Variants in PAK5 observed in about 807,000 individuals in gnomAD.
PAK5 encodes the protein p21 (RAC1) activated kinase 5.
In PAK5, 16 loss-of-function variants were observed where a neutral mutation model predicts 65.9. The ratio of observed to expected loss-of-function variants is 0.24; its 90% confidence interval spans 0.16 to 0.37. PAK5 has a LOEUF of 0.37. Among genes scored for constraint, PAK5 ranks in the 10% least tolerant of loss-of-function variants. The pLI is 1.00. For missense variants in PAK5, 785 were observed against 903.9 expected (o/e 0.87, Z 1.69); for synonymous variants, 371 against 354.9 (o/e 1.05, Z -0.51).
chr20:9,640,046 T>A lies in PAK5; in HGVS notation c.204+4079A>T, dbSNP rs80253673. Among the ~76,000 whole-genome samples, 1,109 of 152,282 alleles carry A rather than the reference T, an allele frequency of 7.3e-3. 5 individuals are homozygous for A. The highest frequency in any genetic ancestry group is 0.011 in the Non-Finnish European group (771 of 68,014). On this transcript the variant is annotated intron_variant, in intron 3 of 9. Coordinates refer to ENST00000353224, the MANE Select transcript of PAK5 (RefSeq NM_177990.4). The stretch of plus-strand genomic sequence containing the variant: ...ACGGCACATGTCCTGGGTCTTCAGC[T>A]AGAATGTTTATTATTTTTTTTTATT...
intron 1 of PAK5, among the ~76,000 whole-genome samples, chr20:9,789,395 G>T (rs185643909): frequency 3.3e-5 from 5 of 152,152 alleles, no homozygotes; most frequent in Non-Finnish European, 7.4e-5. Flanking sequence ...TGAAAAACTA[G>T]GCTCGGCTCT....
chr20:9,751,642 T>A (rs1291398898), intron 1 of PAK5, among the ~76,000 whole-genome samples: 2 of 152,194 alleles, frequency 1.3e-5, no homozygotes, highest in South Asian at 4.1e-4. Flanking sequence ...AGCAATGGAC[T>A]AATACATTTC....
intron 3 of PAK5, among the ~76,000 whole-genome samples, chr20:9,643,527 C>T (rs2047095343): frequency 1.3e-5 from 2 of 152,054 alleles, no homozygotes; most frequent in African/African-American, 4.8e-5. Context: ...TTTGAAATAG[C>T]TCTCTTTTAG....
chr20:9,641,888 G>A (rs1461910248), intron 3 of PAK5, among the ~76,000 whole-genome samples: 1 of 152,158 alleles, frequency 6.6e-6, no homozygotes, highest in Non-Finnish European at 1.5e-5. Context: ...TCCGAGTGCG[G>A]GGCCCACCAA....
chr20:9,700,241 G>A (rs1322438286), intron 2 of PAK5, among the ~76,000 whole-genome samples: 1 of 152,042 alleles, frequency 6.6e-6, no homozygotes, highest in African/African-American at 2.4e-5. Flanking sequence ...GTGAGAACTA[G>A]TCTCTACAAA....
chr20:9,661,331 C>A (rs1484130908), intron 2 of PAK5, among the ~76,000 whole-genome samples: 1 of 152,128 alleles, frequency 6.6e-6, no homozygotes, highest in African/African-American at 2.4e-5. Context: ...GCCTCCCTCC[C>A]TCCACCACCC....
At chr20:9,748,801 G>T (rs1434932577) in intron 1 of PAK5, among the ~76,000 whole-genome samples, 2 of 152,094 alleles carry the variant, frequency 1.3e-5, no homozygotes, top group Non-Finnish European at 1.5e-5. Flanking sequence ...TTAGCCATTA[G>T]CCACAGTGTT....
chr20:9,568,424 A>C (rs1186827544), intron 4 of PAK5, among the ~76,000 whole-genome samples: 3 of 152,182 alleles, frequency 2.0e-5, no homozygotes, highest in Non-Finnish European at 4.4e-5. Flanking sequence ...CCTAAGCAAC[A>C]GGCCATTTAA....
intron 1 of PAK5, among the ~76,000 whole-genome samples, chr20:9,783,757 C>A (rs1342149051): frequency 1.3e-5 from 2 of 152,126 alleles, no homozygotes; most frequent in East Asian, 3.9e-4. Flanking sequence ...TTGTAACTCT[C>A]AGTAAGTTAA....
At chr20:9,769,815 C>A (rs895393199) in intron 1 of PAK5, among the ~76,000 whole-genome samples, 1 of 152,120 alleles carries the variant, frequency 6.6e-6, no homozygotes, top group Non-Finnish European at 1.5e-5. Flanking sequence ...CACCAACCAG[C>A]CATTCTCCAT....
chr20:9,590,161 A>C (rs1205578733), intron 3 of PAK5, among the ~76,000 whole-genome samples: 1 of 151,744 alleles, frequency 6.6e-6, no homozygotes, highest in East Asian at 1.9e-4. Context: ...TGTAGAGAGG[A>C]GGTCTCATTA....
intron 7 of PAK5, 84 bp from the exon 8 acceptor site, chr20:9,544,578 AT>A (rs2045315505): frequency 7.5e-7 from 1 of 1,325,188 alleles, no homozygotes. Context: ...AGAGTTTCAA[AT>A]TTAAAACAAA....
intron 1 of PAK5, among the ~76,000 whole-genome samples, chr20:9,774,131 T>C (rs6056861): frequency 0.8 from 121,545 of 152,136 alleles, 48,904 homozygotes; most frequent in African/African-American, 0.91. Flanking sequence ...TGGGACTACC[T>C]AGGGTGCTGA....
intron 2 of PAK5, among the ~76,000 whole-genome samples, chr20:9,703,433 G>T (rs2047964897): frequency 6.6e-6 from 1 of 151,768 alleles, no homozygotes; most frequent in Non-Finnish European, 1.5e-5. Flanking sequence ...CCTTTTCTAT[G>T]AGGAACATCT....
In PAK5 at chr20:9,580,317, A is replaced by G. The variant is rs761974246; in HGVS notation, c.818T>C (p.Leu273Pro). The G allele has an allele frequency of 1.2e-6, 2 of 1,613,992 alleles. No individual in the cohort carries two copies. Among genetic ancestry groups the G allele is most frequent in the African/African-American group, 2.7e-5 (2 of 74,900 alleles). Residue 273 changes from leucine (L) to proline (P), a missense_variant, in exon 4 of 10, where the codon CTG becomes CCG. By Grantham distance (98) the Leu-to-Pro change is moderately conservative. Around this residue, in one of 4 missense-constraint regions of PAK5, gnomAD observed 422 missense variants for 413.3 expected, o/e 1.02. Transcript: ENST00000353224. ...GGTGGGCTGAGGGCTTGTCTGATTC[A>G]GGTACGAAGACTTTGGCCTCCTGTC... is the stretch of plus-strand genomic sequence containing the variant. ...DYDRRPKSSY[L>P]NQTSPQPTMR...
At chr20:9,665,662 CTTT>C (rs113553567) in intron 2 of PAK5, among the ~76,000 whole-genome samples, 1 of 144,112 alleles carries the variant, frequency 6.9e-6, no homozygotes, top group Non-Finnish European at 1.5e-5. Flanking sequence ...CTTTTCTTTT[CTTT>C]TTTTTTTTTT....
chr20:9,707,289 A>AT (rs1600268654), intron 2 of PAK5, among the ~76,000 whole-genome samples: 1 of 151,738 alleles, frequency 6.6e-6, no homozygotes, highest in African/African-American at 2.4e-5. Context: ...CAGTTAATTT[A>AT]TTTTTTGTAG....
At chr20:9,703,263 T>C (rs2047962728) in intron 2 of PAK5, among the ~76,000 whole-genome samples, 1 of 152,202 alleles carries the variant, frequency 6.6e-6, no homozygotes, top group South Asian at 2.1e-4. Flanking sequence ...AGTGTCTCTA[T>C]ATCAATGAAT....
chr20:9,657,726 T>C (rs541573572), intron 2 of PAK5, among the ~76,000 whole-genome samples: 100 of 152,314 alleles, frequency 6.6e-4, no homozygotes, highest in Admixed American at 2.2e-3. Context: ...GGGAATGCTT[T>C]GAGTTCAGCC....
Sources: gnomAD v4.1 joint callset for allele counts (sites outside exome capture counted in the v4.1 genomes callset) on GRCh38, gnomAD v4.1.1 for gene constraint, gnomAD v4.1.1 regional missense constraint, MANE v1.5 for transcripts, NCBI Gene and HGNC (gene_info 2026-07-23, HGNC 2026-07-21) for gene names.